The following SOS1 variants were observed in gnomAD, a reference collection of about 807,000 sequenced individuals.
SOS1 encodes the protein son of sevenless homolog 1.
Under a neutral mutation model 157.6 loss-of-function variants are expected in SOS1, and 25 were observed. That is an observed-to-expected ratio of 0.16 (90% CI 0.12 to 0.22). The LOEUF (loss-of-function observed/expected upper bound fraction) is 0.22. SOS1 is among the 10% of genes least tolerant of loss of function. The pLI, the probability that SOS1 is intolerant of heterozygous loss-of-function variation, is 1.00. For synonymous variants in SOS1, 528 were observed against 534.0 expected, an observed-to-expected ratio of 0.99 and a Z score of 0.16; for missense variants, 1,237 against 1,599.1, an observed-to-expected ratio of 0.77 and a Z score of 3.86.
At chr2:39,070,605 C>T (rs1671761680) in intron 1 of SOS1, among the ~76,000 whole-genome samples, 1 of 152,142 alleles carries the variant, frequency 6.6e-6, no homozygotes, top group South Asian at 2.1e-4. Flanking sequence ...CTTCAAATTA[C>T]CTGTAGGATA....
intron 6 of SOS1, among the ~76,000 whole-genome samples, chr2:39,043,855 C>G (rs1372544155): frequency 6.6e-6 from 1 of 152,184 alleles, no homozygotes; most frequent in Non-Finnish European, 1.5e-5. Context: ...GATTAAACTT[C>G]CAATACATAA....
chr2:39,106,784 G>A (rs1158140509), intron 1 of SOS1, among the ~76,000 whole-genome samples: 2 of 152,140 alleles, frequency 1.3e-5, no homozygotes, highest in African/African-American at 4.8e-5. Context: ...AGACTAGCAA[G>A]GAAAACCAAC....
chr2:39,034,432 G>T (rs1049153753), intron 8 of SOS1, among the ~76,000 whole-genome samples: 1 of 152,102 alleles, frequency 6.6e-6, no homozygotes, highest in Non-Finnish European at 1.5e-5. Context: ...AGTTTTCTTT[G>T]ATGAAACAAA....
intron 17 of SOS1, among the ~76,000 whole-genome samples, chr2:39,000,780 T>C (rs1480290215): frequency 6.6e-6 from 1 of 152,160 alleles, no homozygotes; most frequent in East Asian, 1.9e-4. Flanking sequence ...TCTTAGCATG[T>C]AGCCCTGGGC....
intron 22 of SOS1, 62 bp downstream of exon 22, chr2:38,987,411 G>T: frequency 3.6e-6 from 3 of 835,474 alleles, no homozygotes; most frequent in Non-Finnish European, 6.2e-6. Context: ...AAACTAGACA[G>T]CCGTTTATTA....
intron 1 of SOS1, among the ~76,000 whole-genome samples, chr2:39,110,052 G>A (rs1187212837): frequency 6.7e-6 from 1 of 150,212 alleles, no homozygotes; most frequent in African/African-American, 2.5e-5. Flanking sequence ...GTGTGTGTGT[G>A]TGTGTGTGTG....
At chr2:39,004,371 C>A (rs1669215498) in intron 17 of SOS1, among the ~76,000 whole-genome samples, 1 of 121,226 alleles carries the variant, frequency 8.2e-6, no homozygotes, top group African/African-American at 3.2e-5. Context: ...GCAGCTACTG[C>A]ATTCCAGCCT....
intron 17 of SOS1, among the ~76,000 whole-genome samples, chr2:38,998,628 G>A (rs764563442): frequency 6.6e-6 from 1 of 152,184 alleles, no homozygotes; most frequent in Non-Finnish European, 1.5e-5. Context: ...ATGAGGACAG[G>A]AGGGTTGCTG....
At chr2:39,007,605 T>C in intron 15 of SOS1, 1 of 173,502 alleles carries the variant, frequency 5.8e-6, no homozygotes, top group Non-Finnish European at 1.2e-5. Context: ...TCAATTTCTT[T>C]CTTTCATATA....
At chr2:39,028,620 A>G (rs565106760) in intron 8 of SOS1, among the ~76,000 whole-genome samples, 12 of 152,360 alleles carry the variant, frequency 7.9e-5, no homozygotes, top group African/African-American at 2.4e-4. Flanking sequence ...ACTTTTCACT[A>G]TAATAGGTAC....
intron 1 of SOS1, among the ~76,000 whole-genome samples, chr2:39,117,395 T>G (rs1401436194): frequency 6.6e-6 from 1 of 152,154 alleles, no homozygotes; most frequent in East Asian, 1.9e-4. Flanking sequence ...GATATATTTG[T>G]GCAATAGATA....
At chr2:38,991,004 CA>C (rs1371757099) in intron 20 of SOS1, among the ~76,000 whole-genome samples, 3 of 152,012 alleles carry the variant, frequency 2.0e-5, no homozygotes, top group Non-Finnish European at 4.4e-5. Flanking sequence ...AGATGACAGA[CA>C]AATGGTCCTC....
intron 15 of SOS1, among the ~76,000 whole-genome samples, chr2:39,008,815 T>C (rs552296085): frequency 6.6e-6 from 1 of 152,164 alleles, no homozygotes; most frequent in East Asian, 1.9e-4. Context: ...ACCACTGCCA[T>C]GCAATAAGAA....
intron 6 of SOS1, among the ~76,000 whole-genome samples, chr2:39,039,587 ATTGT>A (rs1242948174): frequency 1.3e-5 from 2 of 152,202 alleles, no homozygotes; most frequent in African/African-American, 2.4e-5. Context: ...TCTTCTGAGA[ATTGT>A]TTATTAATAG....
chr2:39,021,512 C>G (rs1385370195), intron 10 of SOS1, among the ~76,000 whole-genome samples: 3 of 110,736 alleles, frequency 2.7e-5, no homozygotes, highest in Non-Finnish European at 5.4e-5. Context: ...AGTCTTCTTA[C>G]AATGCTCTAC....
intron 4 of SOS1, 147 bp downstream of exon 4, chr2:39,056,555 A>C: frequency 6.3e-6 from 4 of 637,346 alleles, no homozygotes; most frequent in Non-Finnish European, 8.3e-6. Context: ...TTATTTCTAT[A>C]AAGTGGTATC....
intron 3 of SOS1, among the ~76,000 whole-genome samples, chr2:39,058,216 A>G (rs932786648): frequency 3.9e-5 from 6 of 152,018 alleles, no homozygotes; most frequent in Admixed American, 2.6e-4. Flanking sequence ...TGACTGACTT[A>G]TTTACATGAT....
At chr2:38,986,616 C>T (rs953067345) in intron 22 of SOS1, among the ~76,000 whole-genome samples, 3 of 152,006 alleles carry the variant, frequency 2.0e-5, no homozygotes, top group Non-Finnish European at 2.9e-5. Context: ...CTGGCATGTA[C>T]CACCATGCCT....
At chr2:39,048,056 T>C (rs1572852517) in intron 6 of SOS1, among the ~76,000 whole-genome samples, 1 of 152,232 alleles carries the variant, frequency 6.6e-6, no homozygotes, top group South Asian at 2.1e-4. Flanking sequence ...TGCCTTTTCA[T>C]TCTATTAATT....
Sources: gnomAD v4.1 joint callset for allele counts (sites outside exome capture counted in the v4.1 genomes callset) on GRCh38, gnomAD v4.1.1 for gene constraint, MANE v1.5 for transcripts, NCBI Gene and HGNC (gene_info 2026-07-23, HGNC 2026-07-21) for gene names.